The following DMD variants were observed in gnomAD, a reference collection of about 807,000 sequenced individuals.
DMD encodes the protein mutant dystrophin.
Under a neutral mutation model 330.1 loss-of-function variants are expected in DMD, and 63 were observed. The observed-to-expected ratio is 0.19, with a 90% CI of 0.16 to 0.24. The LOEUF (loss-of-function observed/expected upper bound fraction) is 0.24. Among genes scored for constraint, DMD ranks in the 10% least tolerant of loss-of-function variants. The pLI is 1.00. For missense variants in DMD, 3,344 were observed against 2,684.1 expected (o/e 1.25, Z -5.43); for synonymous variants, 1,223 against 959.8 (o/e 1.27, Z -5.07).
Position 31,969,496 on chromosome X carries a change from C to T in DMD, c.6439-982G>A, listed in dbSNP as rs139584431. Among the ~76,000 whole-genome samples the T allele has an allele frequency of 4.1e-3, 457 of 110,829 alleles. 2 individuals are homozygous for T. Among genetic ancestry groups the T allele is most frequent in the African/African-American group, 0.014 (419 of 30,563 alleles). ...CTTATGTCACTGACAGAATAATGTG[C>T]GTATGTAGAAAACTCTCCTAATAGA... On this transcript the variant is annotated intron_variant, in intron 44 of 78. Coordinates refer to ENST00000357033, the MANE Select transcript of DMD (RefSeq NM_004006.3).
At chrX:32,736,395 A>G (rs1370825421) in intron 7 of DMD, among the ~76,000 whole-genome samples, 1 of 111,307 alleles carries the variant, frequency 9.0e-6, no homozygotes, top group African/African-American at 3.3e-5. Context: ...ATCGCATTTG[A>G]CCCAGCCATC....
chrX:32,292,598 G>A (rs2097477795), intron 42 of DMD, among the ~76,000 whole-genome samples: 1 of 111,314 alleles, frequency 9.0e-6, no homozygotes, highest in Admixed American at 9.6e-5. Flanking sequence ...CCTATTTTCA[G>A]TCAAAATTGG....
chrX:32,545,853 T>C (rs764966374), intron 16 of DMD, among the ~76,000 whole-genome samples: 13 of 111,100 alleles, frequency 1.2e-4, no homozygotes, highest in Admixed American at 8.7e-4. Flanking sequence ...TTTAATCAAA[T>C]AAGTGAAACA....
intron 60 of DMD, among the ~76,000 whole-genome samples, chrX:31,414,212 G>A (rs927189177): frequency 9.1e-6 from 1 of 109,875 alleles, no homozygotes; most frequent in Non-Finnish European, 1.9e-5. Context: ...ACAGGGTTTC[G>A]TCATGTTGGT....
rs1046032149 is a variant in DMD, at chrX:31,969,288, C to T, written c.6439-774G>A. On this transcript the variant is annotated intron_variant, in intron 44 of 78. Transcript: ENST00000357033. ...TATTACAACCAAGTACACACAAAAA[C>T]AAAAATGCTTTTTACCATTAAATAA... 1.3e-4 allele frequency among the ~76,000 whole-genome samples: 14 copies of T among 111,372 alleles called. No individual in the cohort carries two copies. The East Asian group carries it at 3.7e-3, about 29-fold the overall frequency.
At chrX:31,869,472 G>A (rs1472649470) in intron 48 of DMD, among the ~76,000 whole-genome samples, 11 of 95,681 alleles carry the variant, frequency 1.1e-4, no homozygotes, top group South Asian at 9.5e-4. Flanking sequence ...CATTTTGTCC[G>A]TCCTTACCAA....
chrX:33,123,189 A>C (rs2095435633), intron 1 of DMD, among the ~76,000 whole-genome samples: 1 of 111,914 alleles, frequency 8.9e-6, no homozygotes, highest in South Asian at 3.7e-4. Context: ...ACTACGCTAT[A>C]CCACGTAGGT....
chrX:31,912,506 A>G (rs937211926), intron 47 of DMD, among the ~76,000 whole-genome samples: 7 of 112,042 alleles, frequency 6.2e-5, no homozygotes, highest in Admixed American at 5.7e-4. Context: ...ATCCCAAAGC[A>G]TGAATTTTTA....
At chrX:31,257,580 C>T (rs1468150499) in intron 63 of DMD, among the ~76,000 whole-genome samples, 1 of 111,829 alleles carries the variant, frequency 8.9e-6, no homozygotes, top group Non-Finnish European at 1.9e-5. Context: ...GCTTATGTTT[C>T]GACTCTGAAA....
At chrX:32,372,982 A>C (rs1198914662) in intron 34 of DMD, among the ~76,000 whole-genome samples, 1 of 110,574 alleles carries the variant, frequency 9.0e-6, no homozygotes, top group East Asian at 2.8e-4. Context: ...CTGTCCCTTC[A>C]GTTAATCACC....
At chrX:31,296,410 G>A (rs755137784) in intron 62 of DMD, among the ~76,000 whole-genome samples, 1 of 111,687 alleles carries the variant, frequency 9.0e-6, no homozygotes, top group Non-Finnish European at 1.9e-5. Flanking sequence ...CTAATGGTAA[G>A]CTATTTTTTA....
At chrX:31,138,686 A>AGAGGGAGAGAGAGGGAGAGAGAGTGT (rs745406001) in intron 76 of DMD, among the ~76,000 whole-genome samples, 3 of 87,470 alleles carry the variant, frequency 3.4e-5, no homozygotes, top group South Asian at 6.2e-4. Context: ...AGAGAGAGAG[A>AGAGGGAGAGAGAGGGAGAGAGAGTGT]GAAGGGGGAA....
intron 71 of DMD, among the ~76,000 whole-genome samples, chrX:31,177,390 C>G (rs773797505): frequency 9.0e-6 from 1 of 111,363 alleles, no homozygotes; most frequent in South Asian, 3.8e-4. Context: ...AATGATTAGT[C>G]AAATAGCATG....
intron 9 of DMD, among the ~76,000 whole-genome samples, chrX:32,659,376 T>G (rs920642763): frequency 1.8e-5 from 2 of 111,600 alleles, no homozygotes; most frequent in African/African-American, 6.5e-5. Context: ...GAAATCCCTA[T>G]GGGGGAACTA....
chrX:31,822,653 G>GGTGGGTGTGTGTGTGTGTGT (rs1556919108), intron 49 of DMD, among the ~76,000 whole-genome samples: 6 of 65,809 alleles, frequency 9.1e-5, no homozygotes, highest in Non-Finnish European at 1.1e-4. Flanking sequence ...AAGGCAGAGG[G>GGTGGGTGTGTGTGTGTGTGT]GTGTGTGTGT....
chrX:32,803,084 A>T (rs1367945546), intron 7 of DMD, among the ~76,000 whole-genome samples: 2 of 111,607 alleles, frequency 1.8e-5, no homozygotes, highest in Non-Finnish European at 3.8e-5. Context: ...TCGGCTGTGA[A>T]TCTGTCTGGT....
chrX:33,236,405 C>T (rs2052484768), intron 1 of DMD, among the ~76,000 whole-genome samples: 1 of 109,046 alleles, frequency 9.2e-6, no homozygotes. Flanking sequence ...GCTGGGATTA[C>T]AGGCATGCAC....
intron 2 of DMD, among the ~76,000 whole-genome samples, chrX:32,995,672 T>G (rs765808922): frequency 8.9e-6 from 1 of 112,267 alleles, no homozygotes; most frequent in Non-Finnish European, 1.9e-5. Flanking sequence ...TTCATAGACT[T>G]GTATGGTAGT....
At chrX:32,072,213 A>G (rs1446789256) in intron 44 of DMD, among the ~76,000 whole-genome samples, 1 of 111,422 alleles carries the variant, frequency 9.0e-6, no homozygotes, top group African/African-American at 3.3e-5. Flanking sequence ...ACGATATGTA[A>G]TATTAAAAAC....
Sources: gnomAD v4.1 joint callset for allele counts (sites outside exome capture counted in the v4.1 genomes callset) on GRCh38, gnomAD v4.1.1 for gene constraint, MANE v1.5 for transcripts, NCBI Gene and HGNC (gene_info 2026-07-23, HGNC 2026-07-21) for gene names.